Variants in CEP85L observed in about 807,000 individuals in gnomAD.
CEP85L encodes the protein centrosomal protein of 85 kDa-like.
CEP85L carries 60 observed loss-of-function variants against 100.3 expected under a neutral mutation model. The ratio of observed to expected loss-of-function variants is 0.60; its 90% CI spans 0.49 to 0.74. The LOEUF is 0.74. Ranked by LOEUF, CEP85L falls within the 30% of genes least tolerant of loss-of-function variation. The pLI is 0.00. For missense variants in CEP85L, 973 were observed against 936.2 expected (o/e 1.04, Z -0.51); for synonymous variants, 319 against 322.7 (o/e 0.99, Z 0.12).
intron 6 of CEP85L, among the ~76,000 whole-genome samples, chr6:118,491,232 CACACACAT>C (rs1184005991): frequency 7.7e-4 from 102 of 132,542 alleles, no homozygotes; most frequent in African/African-American, 1.9e-3. Flanking sequence ...CACACACACA[CACACACAT>C]ATGCATGCAT....
At chr6:118,467,084 G>T (rs1582841984) in intron 12 of CEP85L, among the ~76,000 whole-genome samples, 1 of 152,278 alleles carries the variant, frequency 6.6e-6, no homozygotes, top group Non-Finnish European at 1.5e-5. Context: ...AGAGGAACCG[G>T]TTCAGGGAGG....
rs1772205666 is a variant in CEP85L at position 118,461,040 on chromosome 6, A to G, written c.*4365T>C. ...CATTCTTTTTTTTTTTTTTTAAACAATAACTGTATTTCAATTAAGTCATGA... is the reference window on the plus strand; with the variant it reads ...CATTCTTTTTTTTTTTTTTTAAACAGTAACTGTATTTCAATTAAGTCATGA... On this transcript the variant is annotated 3_prime_UTR_variant, in exon 13 of 13. Coordinates refer to ENST00000368491, the MANE Select transcript of CEP85L (RefSeq NM_001042475.3). 6.6e-6 allele frequency: 1 copy of G among 151,446 alleles called. No homozygotes were observed. The highest frequency in any genetic ancestry group is 1.5e-5 in the Non-Finnish European group (1 of 67,872). 9.4% of individuals were successfully genotyped at this position (151,446 alleles called of 1,614,324 possible). A position where few individuals can be genotyped will look rare whatever the true frequency, so the allele number is the denominator to read the frequency against.
intron 2 of CEP85L, among the ~76,000 whole-genome samples, chr6:118,571,296 A>G (rs1467635905): frequency 6.6e-6 from 1 of 152,258 alleles, no homozygotes; most frequent in Non-Finnish European, 1.5e-5. Context: ...CTAAGTCACA[A>G]CAGTGATATC....
intron 5 of CEP85L, among the ~76,000 whole-genome samples, chr6:118,506,114 G>C (rs1279156511): frequency 6.6e-6 from 1 of 152,100 alleles, no homozygotes; most frequent in Non-Finnish European, 1.5e-5. Flanking sequence ...ATGCAATATA[G>C]ACATTCCTGG....
chr6:118,506,872 A>ACTTG (rs1562210137), intron 5 of CEP85L, among the ~76,000 whole-genome samples: 1 of 152,084 alleles, frequency 6.6e-6, no homozygotes, highest in East Asian at 1.9e-4. Flanking sequence ...ATGGAAAAAC[A>ACTTG]CTTGCTTGCT....
In CEP85L at chr6:118,632,135, G is replaced by A. The variant is rs569705303; in HGVS notation, c.232+318C>T. Among the ~76,000 whole-genome samples the A allele has an allele frequency of 1.6e-4, 24 of 152,082 alleles. No individual in the cohort carries two copies. In the South Asian group the frequency reaches 3.9e-3, roughly 25 times the overall value. On this transcript the variant is annotated intron_variant, in intron 2 of 12. Transcript: ENST00000368491. ...CTCTCAAGTAGCTGGGACTACAGGC[G>A]CCCGCCACCACGTCCAGCTAATTTT...
intron 2 of CEP85L, among the ~76,000 whole-genome samples, chr6:118,623,389 G>C (rs916483288): frequency 1.3e-5 from 2 of 152,172 alleles, no homozygotes; most frequent in African/African-American, 4.8e-5. Context: ...GAAGGCCCAA[G>C]AAGTAGTTAA....
At chr6:118,557,029 G>C (rs1778919521) in intron 3 of CEP85L, among the ~76,000 whole-genome samples, 1 of 152,106 alleles carries the variant, frequency 6.6e-6, no homozygotes, top group African/African-American at 2.4e-5. Context: ...TCTGTAAATA[G>C]GATATGTCTG....
chr6:118,505,506 A>G (rs1359686427), intron 5 of CEP85L, among the ~76,000 whole-genome samples: 2 of 151,760 alleles, frequency 1.3e-5, no homozygotes. Context: ...AAAATCATGC[A>G]CTAAACTGTG....
At chr6:118,503,334 A>C (rs904400626) in intron 5 of CEP85L, among the ~76,000 whole-genome samples, 10 of 152,204 alleles carry the variant, frequency 6.6e-5, no homozygotes, top group Admixed American at 2.6e-4. Flanking sequence ...ATGGATAGGA[A>C]GACTCAATAT....
intron 5 of CEP85L, chr6:118,502,991 A>G (rs1562205801): frequency 7.9e-6 from 2 of 254,100 alleles, no homozygotes; most frequent in Non-Finnish European, 1.6e-5. Flanking sequence ...TAACTTAAAA[A>G]CGCTTTCACA....
At chr6:118,623,677 C>T (rs372583362) in intron 2 of CEP85L, among the ~76,000 whole-genome samples, 1 of 152,154 alleles carries the variant, frequency 6.6e-6, no homozygotes, top group African/African-American at 2.4e-5. Context: ...GATCCAAAAT[C>T]AAAGGGGGCT....
chr6:118,597,086 CT>C (rs998297958), intron 2 of CEP85L, among the ~76,000 whole-genome samples: 46 of 152,294 alleles, frequency 3.0e-4, no homozygotes, highest in African/African-American at 1.1e-3. Flanking sequence ...CTTCTCTCTC[CT>C]GACACCCTGT....
chr6:118,488,008 A>C (rs1024262228), intron 6 of CEP85L, among the ~76,000 whole-genome samples: 6 of 152,174 alleles, frequency 3.9e-5, no homozygotes, highest in African/African-American at 1.4e-4. Context: ...CTAAGAACAA[A>C]AAAAAAAATT....
chr6:118,533,871 G>A (rs1418892874), intron 3 of CEP85L, among the ~76,000 whole-genome samples: 2 of 152,136 alleles, frequency 1.3e-5, no homozygotes, highest in Admixed American at 1.3e-4. Context: ...GAGGCAGGTG[G>A]ATCTCTTGAG....
At chr6:118,555,563 A>G (rs898404166) in intron 3 of CEP85L, among the ~76,000 whole-genome samples, 2 of 152,214 alleles carry the variant, frequency 1.3e-5, no homozygotes, top group African/African-American at 4.8e-5. Flanking sequence ...ATCTCAATAA[A>G]GAACAAAAGA....
chr6:118,668,254 A>G (rs2115420475), intron 1 of CEP85L, among the ~76,000 whole-genome samples: 1 of 152,296 alleles, frequency 6.6e-6, no homozygotes, highest in South Asian at 2.1e-4. Flanking sequence ...ACAGGCATAA[A>G]TGATGAAAGG....
At chr6:118,535,903 T>C (rs1777563345) in intron 3 of CEP85L, among the ~76,000 whole-genome samples, 1 of 152,164 alleles carries the variant, frequency 6.6e-6, no homozygotes, top group African/African-American at 2.4e-5. Flanking sequence ...GACTACTGTA[T>C]ACATTCTTCA....
intron 10 of CEP85L, among the ~76,000 whole-genome samples, chr6:118,476,994 G>C (rs1773430412): frequency 6.6e-6 from 1 of 152,154 alleles, no homozygotes; most frequent in African/African-American, 2.4e-5. Flanking sequence ...AAGAAGGAAA[G>C]TAATGCCCAA....
Sources: gnomAD v4.1 joint callset for allele counts (sites outside exome capture counted in the v4.1 genomes callset) on GRCh38, gnomAD v4.1.1 for gene constraint, MANE v1.5 for transcripts, NCBI Gene and HGNC (gene_info 2026-07-23, HGNC 2026-07-21) for gene names.